Variants in NUP153 observed in about 807,000 individuals in gnomAD.
The protein encoded by NUP153 is nucleoporin 153, also known as nuclear pore complex protein Nup153.
NUP153 carries 27 observed loss-of-function variants against 134.6 expected under a neutral mutation model. That is an observed-to-expected ratio of 0.20 (90% CI 0.15 to 0.28). The LOEUF is 0.28. NUP153 is among the 10% of genes least tolerant of loss of function. The probability of loss-of-function intolerance (pLI) is 1.00; values close to 1 mark genes in which losing one functional copy is unlikely to be tolerated. For synonymous variants in NUP153, 640 were observed against 623.5 expected (o/e 1.03, Z -0.40); for missense variants, 1,821 against 1,731.3 (o/e 1.05, Z -0.92).
In NUP153 at chr6:17,679,165, GC is replaced by G. The variant is rs1163163529; in HGVS notation, c.335-3396del. On this transcript the variant is annotated intron_variant, in intron 2 of 21. Coordinates refer to ENST00000262077, the MANE Select transcript of NUP153 (RefSeq NM_005124.4). ...ACATGTAAATAACAGTGAAGATTCA[GC>G]CAAAAGCTGTTAGAGCAAATTTAGC... Among the ~76,000 whole-genome samples, 3 of 152,162 alleles carry G rather than the reference GC, an allele frequency of 2.0e-5. No individual in the cohort carries two copies. The South Asian group carries it at 6.2e-4, about 32-fold the overall frequency.
At chr6:17,690,381 A>G (rs1769204414) in intron 1 of NUP153, among the ~76,000 whole-genome samples, 1 of 150,546 alleles carries the variant, frequency 6.6e-6, no homozygotes, top group Non-Finnish European at 1.5e-5. Context: ...CTCCGTCTCA[A>G]AAAAAAAAGT....
chr6:17,632,877 G>T (rs919870942), intron 16 of NUP153, 33 bp from the exon 17 acceptor site: 3 of 1,469,288 alleles, frequency 2.0e-6, no homozygotes, highest in African/African-American at 1.4e-5. Flanking sequence ...GGAGTGGGGG[G>T]AGATTTCATG....
In NUP153 at chr6:17,690,609, T is replaced by C. The variant is rs868075697; in HGVS notation, c.112-1991A>G. On this transcript the variant is annotated intron_variant, in intron 1 of 21. Coordinates refer to ENST00000262077, the MANE Select transcript of NUP153 (RefSeq NM_005124.4). ...GAAAAAAGCTGGCAATAAACTGGGGTAAGGTAACCGATTTTAGGCAACAAT... is the reference window on the plus strand; with the variant it reads ...GAAAAAAGCTGGCAATAAACTGGGGCAAGGTAACCGATTTTAGGCAACAAT... Among the ~76,000 whole-genome samples the C allele has an allele frequency of 4.6e-4, 70 of 152,016 alleles. 1 individual carries two copies. Among genetic ancestry groups the C allele is most frequent in the Admixed American group, 1.8e-3 (27 of 15,266 alleles).
At chr6:17,629,635 A>C in intron 17 of NUP153, 96 bp from the exon 18 acceptor site, 1 of 1,109,732 alleles carries the variant, frequency 9.0e-7, no homozygotes, top group Non-Finnish European at 1.2e-6. Flanking sequence ...CATAGGAGTA[A>C]CTTTGAAAGG....
chr6:17,669,050 A>C, intron 7 of NUP153, 22 bp from the exon 8 acceptor site: 1 of 1,414,108 alleles, frequency 7.1e-7, no homozygotes, highest in Non-Finnish European at 9.5e-7. Context: ...AAAAAACACT[A>C]TTAGAATAGA....
At chr6:17,683,860 A>G (rs1380047911) in intron 2 of NUP153, among the ~76,000 whole-genome samples, 1 of 152,150 alleles carries the variant, frequency 6.6e-6, no homozygotes, top group East Asian at 1.9e-4. Context: ...GTCATCTGAT[A>G]GTTTAGATGT....
intron 14 of NUP153, among the ~76,000 whole-genome samples, chr6:17,643,816 T>C (rs1047300388): frequency 2.6e-5 from 4 of 152,194 alleles, no homozygotes; most frequent in Non-Finnish European, 5.9e-5. Flanking sequence ...TGAGATATAA[T>C]GAAACAAAGT....
intron 16 of NUP153, among the ~76,000 whole-genome samples, chr6:17,633,353 C>A (rs1249749725): frequency 6.6e-6 from 1 of 152,200 alleles, no homozygotes; most frequent in East Asian, 1.9e-4. Flanking sequence ...ATAGCTTTTG[C>A]ACAGAAGTGC....
At chr6:17,684,568 C>T (rs7757195) in intron 2 of NUP153, among the ~76,000 whole-genome samples, 32,457 of 152,136 alleles carry the variant, frequency 0.21, 4,022 homozygotes, top group Non-Finnish European at 0.27. Context: ...TCATATTATC[C>T]TTTGTGTGTT....
Position 17,629,449 on chromosome 6 carries a change from G to A in NUP153, c.2750C>T (p.Thr917Ile). The change falls in exon 18 of 22, where the codon ACT (threonine) becomes ATT (isoleucine). Residue 917 changes from threonine to isoleucine, a missense_variant. Physicochemically the swap from Thr to Ile is moderately conservative, Grantham distance 89 (BLOSUM62 -1). Coordinates refer to ENST00000262077, the MANE Select transcript of NUP153 (RefSeq NM_005124.4). Reference sequence around the variant, plus strand: ...TTTAAAATTTCCAGTGCTTGTTAAAGTCTGAGAAGGCCCAGAAGAGGATGA... The same window carrying A: ...TTTAAAATTTCCAGTGCTTGTTAAAATCTGAGAAGGCCCAGAAGAGGATGA... ...VSSSSSGPSQ[T>I]LTSTGNFKFG... 6.2e-7 allele frequency: 1 copy of A among 1,614,010 alleles called. No homozygotes were observed. The highest frequency in any genetic ancestry group is 8.5e-7 in the Non-Finnish European group (1 of 1,179,970).
chr6:17,696,742 A>G (rs904419408), intron 1 of NUP153, among the ~76,000 whole-genome samples: 3 of 152,020 alleles, frequency 2.0e-5, no homozygotes, highest in Non-Finnish European at 4.4e-5. Context: ...GCCACAGAGC[A>G]AGACTCCATC....
intron 16 of NUP153, among the ~76,000 whole-genome samples, chr6:17,636,255 C>T (rs185010304): frequency 1.3e-5 from 2 of 150,254 alleles, no homozygotes; most frequent in East Asian, 3.9e-4. Context: ...GAATTGCATG[C>T]ATCTGGGAGA....
chr6:17,659,974 C>G (rs1452208196), intron 11 of NUP153, among the ~76,000 whole-genome samples: 1 of 152,126 alleles, frequency 6.6e-6, no homozygotes. Flanking sequence ...AAAGGAAAGA[C>G]AGAGCCTCCA....
chr6:17,669,160 C>T, intron 7 of NUP153, 132 bp from the exon 8 acceptor site: 2 of 1,011,414 alleles, frequency 2.0e-6, no homozygotes, highest in Non-Finnish European at 2.9e-6. Context: ...CTCACTGCAA[C>T]CTCTGCCTCC....
rs550521552 is a variant in NUP153, at chr6:17,650,406, C to A, written c.1396-1106G>T. 3.5e-3 allele frequency among the ~76,000 whole-genome samples: 531 copies of A among 152,272 alleles called. 3 individuals are homozygous for A. Among genetic ancestry groups the A allele is most frequent in the Non-Finnish European group, 5.1e-3 (346 of 68,016 alleles). On this transcript the variant is annotated intron_variant, in intron 11 of 21. Transcript: ENST00000262077. ...GTCTACATATAAGCCACCCGAATCT[C>A]TGGTGGACCTGTAAACTACACAGCT...
intron 11 of NUP153, among the ~76,000 whole-genome samples, chr6:17,658,159 G>A (rs111640267): frequency 0.015 from 2,209 of 152,334 alleles, 66 homozygotes; most frequent in African/African-American, 0.05. Flanking sequence ...CAGCACTCTG[G>A]GAGGCTGAGG....
chr6:17,644,873 TAGG>T (rs1766061518), intron 14 of NUP153, among the ~76,000 whole-genome samples: 1 of 151,898 alleles, frequency 6.6e-6, no homozygotes, highest in African/African-American at 2.4e-5. Flanking sequence ...ATCACGAGGT[TAGG>T]AGATCGAGAC....
Position 17,706,177 on chromosome 6 carries a change from T to C in NUP153, c.111+100A>G, listed in dbSNP as rs1770481534. 1.0e-6 allele frequency: 1 copy of C among 956,204 alleles called. No individual in the cohort carries two copies. The highest frequency in any genetic ancestry group is 1.9e-5 in the Admixed American group (1 of 51,438). The allele number at this position is 956,204 out of a possible 1,614,324, so 59.2% of individuals were successfully genotyped here. A position where few individuals can be genotyped will look rare whatever the true frequency, so the allele number is the denominator to read the frequency against. On this transcript the variant is annotated intron_variant, in intron 1 of 21. Coordinates refer to ENST00000262077, the MANE Select transcript of NUP153 (RefSeq NM_005124.4). This position sits in a 1 kb window ranked among gnomAD's most constrained non-coding sequence, Gnocchi z 5.9. ...CTCACTCGGGCCTTTCCTCAGGCCCTCCTGTCTGCTCCACGTGGGGCGCCG... is the reference window on the plus strand; with the variant it reads ...CTCACTCGGGCCTTTCCTCAGGCCCCCCTGTCTGCTCCACGTGGGGCGCCG...
chr6:17,663,630 T>C (rs192630574), intron 9 of NUP153, among the ~76,000 whole-genome samples: 7 of 152,274 alleles, frequency 4.6e-5, no homozygotes, highest in East Asian at 1.9e-4. Context: ...AAAGCAAATA[T>C]GACAAAATGT....
Sources: allele counts gnomAD v4.1 joint callset (sites outside exome capture counted in the v4.1 genomes callset), GRCh38; gene constraint gnomAD v4.1.1; non-coding constraint Gnocchi (gnomAD v3.1); transcripts MANE v1.5; gene names NCBI Gene and HGNC (gene_info 2026-07-23, HGNC 2026-07-21).